The following CTNNA2 variants were observed in gnomAD, a reference collection of about 807,000 sequenced individuals.
The protein encoded by CTNNA2 is catenin alpha-2.
A neutral mutation model predicts 101.0 loss-of-function variants in CTNNA2; 42 were observed. The ratio of observed to expected loss-of-function variants is 0.42; its 90% CI spans 0.32 to 0.54. CTNNA2 has a LOEUF of 0.54. CTNNA2 is among the 20% of genes least tolerant of loss of function. The pLI is 0.14. For synonymous variants in CTNNA2, 450 were observed against 456.4 expected, an observed-to-expected ratio of 0.99 and a Z score of 0.18; for missense variants, 871 against 1,223.1, an observed-to-expected ratio of 0.71 and a Z score of 4.29.
intron 9 of CTNNA2, among the ~76,000 whole-genome samples, chr2:80,442,693 C>A (rs916269869): frequency 6.6e-6 from 1 of 152,136 alleles, no homozygotes; most frequent in Non-Finnish European, 1.5e-5. Context: ...ATACTAATAC[C>A]TTCCCCTCTT....
intron 4 of CTNNA2, among the ~76,000 whole-genome samples, chr2:79,477,885 G>A (rs1671067718): frequency 6.6e-6 from 1 of 152,184 alleles, no homozygotes; most frequent in African/African-American, 2.4e-5. Flanking sequence ...CTTTAACTTT[G>A]CTCTGTGGGA....
At position 79,309,283 on chromosome 2, in the gene CTNNA2, G is replaced by A. The variant is rs373700510; in HGVS notation, c.-405-3426G>A. ...CAACTGGAGTTGTACTACATATTTG[G>A]ATTAACTTGGGAAGAACTGATAGAT... is the stretch of plus-strand genomic sequence containing the variant. On this transcript the variant is annotated intron_variant, in intron 2 of 21. Coordinates refer to the CTNNA2 transcript ENST00000466387. 5.9e-5 allele frequency among the ~76,000 whole-genome samples: 9 copies of A among 152,052 alleles called. No individual in the cohort carries two copies. The East Asian group carries it at 9.7e-4, about 16-fold the overall frequency.
chr2:79,301,517 T>A (rs1015150903), intron 2 of CTNNA2, among the ~76,000 whole-genome samples: 2 of 152,156 alleles, frequency 1.3e-5, no homozygotes, highest in Non-Finnish European at 2.9e-5. Context: ...GACTACAGGA[T>A]TTTTGGTAAT....
intron 1 of CTNNA2, among the ~76,000 whole-genome samples, chr2:79,621,754 C>CT (rs1025810506): frequency 2.4e-4 from 36 of 152,094 alleles, no homozygotes; most frequent in African/African-American, 8.5e-4. Context: ...AGAAGCCTGC[C>CT]TAACACTACC....
chr2:80,357,585 T>C (rs1475003234), intron 7 of CTNNA2, among the ~76,000 whole-genome samples: 1 of 151,980 alleles, frequency 6.6e-6, no homozygotes, highest in Non-Finnish European at 1.5e-5. Context: ...GTGGGACCAA[T>C]GATGTGTGGC....
At chr2:80,349,986 T>C (rs1383320838) in intron 7 of CTNNA2, among the ~76,000 whole-genome samples, 1 of 152,214 alleles carries the variant, frequency 6.6e-6, no homozygotes, top group Non-Finnish European at 1.5e-5. Context: ...TGAAAGATTT[T>C]CTAAAATATT....
intron 15 of CTNNA2, among the ~76,000 whole-genome samples, chr2:80,594,546 T>C (rs1696782019): frequency 6.6e-6 from 1 of 152,090 alleles, no homozygotes; most frequent in Admixed American, 6.5e-5. Flanking sequence ...TTGTTGCTTA[T>C]ACTTTTGGTG....
chr2:79,419,079 C>T (rs1342348090), intron 4 of CTNNA2, among the ~76,000 whole-genome samples: 3 of 151,964 alleles, frequency 2.0e-5, no homozygotes, highest in African/African-American at 7.3e-5. Flanking sequence ...TGCAAAAAAG[C>T]ATCATGCCAT....
chr2:79,649,267 G>A (rs1681045868), intron 1 of CTNNA2: 1 of 154,690 alleles, frequency 6.5e-6, no homozygotes. Context: ...ATGTCTACAA[G>A]CATGCCCATG....
At chr2:80,320,220 G>T (rs964633296) in intron 7 of CTNNA2, among the ~76,000 whole-genome samples, 1 of 152,328 alleles carries the variant, frequency 6.6e-6, no homozygotes, top group East Asian at 1.9e-4. Flanking sequence ...TGGTTTCACA[G>T]GTACATTCTG....
intron 13 of CTNNA2, among the ~76,000 whole-genome samples, chr2:80,581,450 G>A (rs1472521337): frequency 6.6e-6 from 1 of 152,068 alleles, no homozygotes; most frequent in African/African-American, 2.4e-5. Flanking sequence ...CTTAAAATTA[G>A]CATATCACTG....
chr2:79,755,841 G>A, intron 3 of CTNNA2, among the ~76,000 whole-genome samples: 1 of 152,190 alleles, frequency 6.6e-6, no homozygotes, highest in East Asian at 1.9e-4. Context: ...TTTAACATCA[G>A]AAGTTTAAAA....
At chr2:79,693,706 T>C (rs1056238177) in intron 2 of CTNNA2, among the ~76,000 whole-genome samples, 3 of 151,808 alleles carry the variant, frequency 2.0e-5, no homozygotes, top group Non-Finnish European at 2.9e-5. Flanking sequence ...AGTATAAAGG[T>C]CAGGGGCAAG....
intron 7 of CTNNA2, among the ~76,000 whole-genome samples, chr2:80,335,685 G>A (rs1337755064): frequency 6.6e-6 from 1 of 152,114 alleles, no homozygotes; most frequent in Non-Finnish European, 1.5e-5. Flanking sequence ...AGGCACATTA[G>A]AGCTTTCCAA....
chr2:79,915,609 G>A (rs1368264002), intron 7 of CTNNA2, among the ~76,000 whole-genome samples: 4 of 152,130 alleles, frequency 2.6e-5, no homozygotes, highest in Admixed American at 6.5e-5. Flanking sequence ...GACCCAAAGC[G>A]TGACTAGGAA....
intron 1 of CTNNA2, among the ~76,000 whole-genome samples, chr2:79,553,060 A>G (rs951547068): frequency 1.3e-5 from 2 of 152,186 alleles, no homozygotes; most frequent in African/African-American, 4.8e-5. Flanking sequence ...AAATTTTCCA[A>G]ACTTTTACAA....
At chr2:80,188,298 TAAG>T (rs919445635) in intron 7 of CTNNA2, among the ~76,000 whole-genome samples, 1 of 152,188 alleles carries the variant, frequency 6.6e-6, no homozygotes, top group Non-Finnish European at 1.5e-5. Flanking sequence ...AGTTACAAAA[TAAG>T]AAGATTTTTT....
At chr2:80,490,271 T>TCCCCCCCCCC (rs1185906142) in intron 9 of CTNNA2, among the ~76,000 whole-genome samples, 2 of 51,848 alleles carry the variant, frequency 3.9e-5, no homozygotes, top group Non-Finnish European at 3.3e-5. Context: ...TTTTTTTCCT[T>TCCCCCCCCCC]CCCCCCCCAC....
At chr2:79,652,772 CT>C (rs1442579926) in intron 2 of CTNNA2, among the ~76,000 whole-genome samples, 2 of 152,092 alleles carry the variant, frequency 1.3e-5, no homozygotes, top group African/African-American at 4.8e-5. Context: ...TGCCCTCTGG[CT>C]CCCCAAAGAT....
Sources: allele counts gnomAD v4.1 joint callset (sites outside exome capture counted in the v4.1 genomes callset), GRCh38; gene constraint gnomAD v4.1.1; transcripts MANE v1.5; gene names NCBI Gene and HGNC (gene_info 2026-07-23, HGNC 2026-07-21).